Variants in TXNL4A observed in about 807,000 individuals in gnomAD.
The protein encoded by TXNL4A is thioredoxin-like protein 4A.
In TXNL4A, 17 loss-of-function variants were observed where a neutral mutation model predicts 14.6. That is an observed-to-expected ratio of 1.16 (90% CI 0.80 to 1.74). The LOEUF (loss-of-function observed/expected upper bound fraction) is 1.74, where lower values mean the gene tolerates loss of function less well. TXNL4A is among the 40% of genes most tolerant of loss of function. The probability of loss-of-function intolerance (pLI) is 0.00; values close to 1 mark genes in which losing one functional copy is unlikely to be tolerated. For missense variants in TXNL4A, 74 were observed against 195.2 expected, an observed-to-expected ratio of 0.38 and a Z score of 3.70; for synonymous variants, 83 against 70.6, an observed-to-expected ratio of 1.18 and a Z score of -0.88.
chr18:80,006,373 G>GACTC (rs1466232107), intron 1 of TXNL4A, among the ~76,000 whole-genome samples: 1 of 124,244 alleles, frequency 8.0e-6, no homozygotes, highest in Non-Finnish European at 1.7e-5. Flanking sequence ...GACAGAGTGA[G>GACTC]ACTCTGTCTC....
chr18:80,022,874 G>T (rs1450420527), intron 1 of TXNL4A, among the ~76,000 whole-genome samples: 1 of 152,152 alleles, frequency 6.6e-6, no homozygotes, highest in Admixed American at 6.5e-5. Flanking sequence ...GTAGTATGCA[G>T]GACTAGTCAC....
chr18:79,989,908 A>C (rs1442039718), upstream of TXNL4A, among the ~76,000 whole-genome samples: 2 of 152,196 alleles, frequency 1.3e-5, no homozygotes, highest in Admixed American at 1.3e-4. Context: ...AGGCAGGAGA[A>C]TCGCTTGAAC....
At chr18:79,986,084 G>A (rs2051543323) in intron 1 of TXNL4A, among the ~76,000 whole-genome samples, 1 of 151,642 alleles carries the variant, frequency 6.6e-6, no homozygotes, top group South Asian at 2.1e-4. Context: ...CTGTTGCCCA[G>A]GCTGGAGTTC....
In TXNL4A at chr18:79,998,023, G is replaced by A. The variant is rs548780233; in HGVS notation, c.-60-20322C>T. Reference sequence around the variant, plus strand: ...AACTGGATACCAGTGGACAGGCCCGGTGGCTCAGGCCTGTAATCCCAGCAC... The same window carrying A: ...AACTGGATACCAGTGGACAGGCCCGATGGCTCAGGCCTGTAATCCCAGCAC... On this transcript the variant is annotated intron_variant, in intron 1 of 2. Transcript: ENST00000585474. 4.6e-5 allele frequency among the ~76,000 whole-genome samples: 7 copies of A among 152,338 alleles called. No individual in the cohort carries two copies. In the East Asian group the frequency reaches 1.4e-3, roughly 29 times the overall value.
chr18:80,015,783 C>T (rs986286430), intron 1 of TXNL4A, among the ~76,000 whole-genome samples: 7 of 149,874 alleles, frequency 4.7e-5, no homozygotes, highest in African/African-American at 1.7e-4. Context: ...TGGGTTGGTT[C>T]CAAGTCTTTG....
At position 79,973,973 on chromosome 18, in the gene TXNL4A, C is replaced by T. The variant is rs377444124; in HGVS notation, c.258-117G>A. ...AGCTCTTGTTAACATCACTGAAGAA[C>T]GCATAAAATCGAGAGTGTATGCCAT... On this transcript the variant is annotated intron_variant, in intron 2 of 2. Coordinates refer to ENST00000269601, the MANE Select transcript of TXNL4A (RefSeq NM_006701.5). The T allele has an allele frequency of 4.0e-5, 56 of 1,411,948 alleles. No individual in the cohort carries two copies. The African/African-American group carries it at 5.0e-4, about 13-fold the overall frequency. The allele number at this position is 1,411,948 out of a possible 1,614,324, so 87.5% of individuals were successfully genotyped here. A position where few individuals can be genotyped will look rare whatever the true frequency, so the allele number is the denominator to read the frequency against.
At chr18:80,022,400 T>C (rs2051856015) in intron 1 of TXNL4A, among the ~76,000 whole-genome samples, 1 of 152,228 alleles carries the variant, frequency 6.6e-6, no homozygotes, top group South Asian at 2.1e-4. Flanking sequence ...CTTACAAAGA[T>C]TTAGGTTATC....
chr18:80,021,926 A>G (rs1041414421), intron 1 of TXNL4A, among the ~76,000 whole-genome samples: 3 of 152,030 alleles, frequency 2.0e-5, no homozygotes, highest in Admixed American at 2.0e-4. Context: ...TTGGTTTTTA[A>G]TAAGGGGAGG....
chr18:80,031,664 A>G (rs1456283203), intron 1 of TXNL4A, among the ~76,000 whole-genome samples: 1 of 152,230 alleles, frequency 6.6e-6, no homozygotes, highest in East Asian at 1.9e-4. Context: ...TTGCCAAACG[A>G]CGGGGTCATG....
chr18:80,004,065 G>A (rs1314623270), intron 1 of TXNL4A, among the ~76,000 whole-genome samples: 5 of 150,972 alleles, frequency 3.3e-5, no homozygotes, highest in Non-Finnish European at 7.4e-5. Flanking sequence ...CTGGCTTCAA[G>A]AAATCATTCC....
At chr18:79,986,916 T>C (rs2051558725) in intron 1 of TXNL4A, among the ~76,000 whole-genome samples, 1 of 152,176 alleles carries the variant, frequency 6.6e-6, no homozygotes, top group Non-Finnish European at 1.5e-5. Flanking sequence ...TGGCACTGCC[T>C]CTCTCATCAT....
intron 2 of TXNL4A, 127 bp from the exon 3 acceptor site, chr18:79,973,983 CGA>C (rs1445025370): frequency 7.8e-6 from 10 of 1,289,128 alleles, no homozygotes; most frequent in African/African-American, 7.4e-5. Flanking sequence ...CGCATAAAAT[CGA>C]GAGTGTATGC....
chr18:79,988,591 G>C (rs1209477781), upstream of TXNL4A: 1 of 464,138 alleles, frequency 2.2e-6, no homozygotes, highest in Admixed American at 4.7e-5. Flanking sequence ...CGCCGTGCGT[G>C]CTGACGGCAT....
intron 1 of TXNL4A, among the ~76,000 whole-genome samples, chr18:79,980,954 G>A (rs1599720069): frequency 6.6e-6 from 1 of 152,204 alleles, no homozygotes; most frequent in African/African-American, 2.4e-5. Context: ...CTAGTTTCCC[G>A]CAGCGTCCAC....
chr18:79,995,367 C>T (rs892608113), intron 1 of TXNL4A: 2 of 152,252 alleles, frequency 1.3e-5, no homozygotes, highest in African/African-American at 4.8e-5. Flanking sequence ...TGAACGATGA[C>T]TGTTCTGTTA....
intron 1 of TXNL4A, among the ~76,000 whole-genome samples, chr18:80,001,377 A>G (rs535736078): frequency 5.3e-4 from 80 of 152,208 alleles, no homozygotes; most frequent in African/African-American, 1.9e-3. Context: ...GAAAAATGTG[A>G]GGTTGAAGCC....
At chr18:80,000,943 G>T (rs976953366) in intron 1 of TXNL4A, among the ~76,000 whole-genome samples, 13 of 152,238 alleles carry the variant, frequency 8.5e-5, no homozygotes, top group African/African-American at 3.1e-4. Context: ...CGTGAGCAAG[G>T]AGCCAAATGT....
intron 1 of TXNL4A, among the ~76,000 whole-genome samples, chr18:80,032,876 T>C (rs752672237): frequency 6.6e-6 from 1 of 152,178 alleles, no homozygotes; most frequent in African/African-American, 2.4e-5. Context: ...TGCAAATTGA[T>C]AGCTTATCTT....
At chr18:80,006,274 C>T (rs1361677686) in intron 1 of TXNL4A, among the ~76,000 whole-genome samples, 1 of 152,016 alleles carries the variant, frequency 6.6e-6, no homozygotes, top group Non-Finnish European at 1.5e-5. Flanking sequence ...GTCCCAGCTA[C>T]TTGGGAGGCT....
Sources: allele counts gnomAD v4.1 joint callset (sites outside exome capture counted in the v4.1 genomes callset), GRCh38; gene constraint gnomAD v4.1.1; transcripts MANE v1.5; gene names NCBI Gene and HGNC (gene_info 2026-07-23, HGNC 2026-07-21).